THSD7A: variants seen among roughly 807,000 people sequenced by gnomAD.
THSD7A encodes the protein thrombospondin type-1 domain-containing protein 7A.
A neutral mutation model predicts 231.3 loss-of-function variants in THSD7A; 96 were observed. The ratio of observed to expected loss-of-function variants is 0.41; its 90% CI spans 0.35 to 0.49. The LOEUF (loss-of-function observed/expected upper bound fraction) is 0.49. THSD7A is among the 20% of genes least tolerant of loss of function. The probability of loss-of-function intolerance (pLI) is 0.05; values close to 1 mark genes in which losing one functional copy is unlikely to be tolerated. For missense variants in THSD7A, 2,290 were observed against 2,070.2 expected, an observed-to-expected ratio of 1.11 and a Z score of -2.06; for synonymous variants, 940 against 743.3, an observed-to-expected ratio of 1.26 and a Z score of -4.30.
At chr7:11,699,609 A>T (rs888997796) in intron 1 of THSD7A, among the ~76,000 whole-genome samples, 1 of 151,320 alleles carries the variant, frequency 6.6e-6, no homozygotes, top group Non-Finnish European at 1.5e-5. Context: ...GTTACCCTGA[A>T]AGTTAATTAT....
At position 11,595,771 on chromosome 7, in the gene THSD7A, C is replaced by T. The variant is rs1014022709; in HGVS notation, c.1023-2269G>A. On this transcript the variant is annotated intron_variant, in intron 2 of 27. Coordinates refer to ENST00000423059, the MANE Select transcript of THSD7A (RefSeq NM_015204.3). Reference sequence around the variant, plus strand: ...AACAGTGGAAACCAAAGTCACTCAACTACAAAACTTAAATACAATGAGAAT... The same window carrying T: ...AACAGTGGAAACCAAAGTCACTCAATTACAAAACTTAAATACAATGAGAAT... Among the ~76,000 whole-genome samples the T allele has an allele frequency of 2.0e-5, 3 of 152,360 alleles. 1 individual carries two copies. In the South Asian group the frequency reaches 6.2e-4, roughly 32 times the overall value.
intron 6 of THSD7A, among the ~76,000 whole-genome samples, chr7:11,510,492 T>C (rs1465727311): frequency 6.6e-6 from 1 of 152,048 alleles, no homozygotes; most frequent in Non-Finnish European, 1.5e-5. Flanking sequence ...TTTAGACCAA[T>C]ATCACTGAGG....
chr7:11,405,151 G>A (rs1333449120), intron 22 of THSD7A, among the ~76,000 whole-genome samples: 1 of 72,302 alleles, frequency 1.4e-5, no homozygotes, highest in Non-Finnish European at 2.8e-5. Context: ...CATCTCAAAT[G>A]ATTTTTTTTT....
chr7:11,740,077 T>C (rs922144169), intron 1 of THSD7A, among the ~76,000 whole-genome samples: 11 of 151,906 alleles, frequency 7.2e-5, no homozygotes, highest in Admixed American at 5.3e-4. Context: ...TGATCAAAGA[T>C]TCAACTTGGA....
chr7:11,428,941 A>G lies in THSD7A; in HGVS notation c.3243+6T>C. On this transcript the variant is annotated splice_donor_region_variant and intron_variant, in intron 14 of 27. Coordinates refer to ENST00000423059, the MANE Select transcript of THSD7A (RefSeq NM_015204.3). ...ATATCTTAACACTGTCAATGATAGA[A>G]AATACCTGGTTGACATGGTCCAGTT... is the stretch of plus-strand genomic sequence containing the variant. The G allele has an allele frequency of 2.5e-6, 4 of 1,600,840 alleles. No individual in the cohort carries two copies. In the South Asian group the frequency reaches 4.5e-5, roughly 18 times the overall value.
At chr7:11,436,853 GA>G in intron 13 of THSD7A, among the ~76,000 whole-genome samples, 1 of 152,036 alleles carries the variant, frequency 6.6e-6, no homozygotes, top group Non-Finnish European at 1.5e-5. Context: ...AAAGGGAGGG[GA>G]AAGTGTTATT....
chr7:11,414,410 C>T (rs554753799), intron 17 of THSD7A, among the ~76,000 whole-genome samples: 45 of 152,310 alleles, frequency 3.0e-4, no homozygotes, highest in African/African-American at 9.1e-4. Context: ...ATTCATGACT[C>T]CTCATATAGC....
At chr7:11,554,040 C>A (rs73056403) in intron 4 of THSD7A, among the ~76,000 whole-genome samples, 7,680 of 151,932 alleles carry the variant, frequency 0.051, 233 homozygotes, top group Non-Finnish European at 0.065. Context: ...TCTACATATA[C>A]TTTATCCAGT....
chr7:11,777,327 G>C (rs1445033681), intron 1 of THSD7A, among the ~76,000 whole-genome samples: 1 of 151,814 alleles, frequency 6.6e-6, no homozygotes, highest in Non-Finnish European at 1.5e-5. Flanking sequence ...GAAAATGCTA[G>C]AGCCAACAGA....
Position 11,590,056 on chromosome 7 carries a change from A to C in THSD7A, c.1453+404T>G, listed in dbSNP as rs1216951364. On this transcript the variant is annotated intron_variant, in intron 4 of 27. Coordinates refer to ENST00000423059, the MANE Select transcript of THSD7A (RefSeq NM_015204.3). This position sits in a 1 kb window ranked among gnomAD's most constrained non-coding sequence, Gnocchi z 4.4. ...TCATAATTAACTTATTTTTAACCAC[A>C]TTTTATCCAAATAAGATTTCTTTTG... is the stretch of plus-strand genomic sequence containing the variant. 1.3e-5 allele frequency among the ~76,000 whole-genome samples: 2 copies of C among 152,160 alleles called. No homozygotes were observed. The highest frequency in any genetic ancestry group is 1.3e-4 in the Admixed American group (2 of 15,270).
At chr7:11,782,164 G>T (rs1010943549) in intron 1 of THSD7A, among the ~76,000 whole-genome samples, 1 of 152,114 alleles carries the variant, frequency 6.6e-6, no homozygotes, top group African/African-American at 2.4e-5. Flanking sequence ...CAACAAGTAG[G>T]TATGTTCCCA....
At chr7:11,740,273 A>C (rs1430132192) in intron 1 of THSD7A, among the ~76,000 whole-genome samples, 1 of 151,944 alleles carries the variant, frequency 6.6e-6, no homozygotes, top group African/African-American at 2.4e-5. Flanking sequence ...ATGAGTGGTC[A>C]ATGATCCCAG....
chr7:11,817,730 C>A (rs1322410620), intron 1 of THSD7A, among the ~76,000 whole-genome samples: 1 of 152,166 alleles, frequency 6.6e-6, no homozygotes. Context: ...TTTAAATAAT[C>A]TGTAGAGGTA....
rs533767783 is a variant in THSD7A at position 11,373,896 on chromosome 7, G to T, written c.*1898C>A. 6.6e-6 allele frequency: 1 copy of T among 152,034 alleles called. No homozygotes were observed. The highest frequency in any genetic ancestry group is 2.4e-5 in the African/African-American group (1 of 41,416). 9.4% of individuals were successfully genotyped at this position (152,034 alleles called of 1,614,324 possible). On this transcript the variant is annotated 3_prime_UTR_variant, in exon 28 of 28. Coordinates refer to ENST00000423059, the MANE Select transcript of THSD7A (RefSeq NM_015204.3). The stretch of plus-strand genomic sequence containing the variant: ...TCACAAAGGTTGTTGCAATAATGTT[G>T]CCTGAAAATGGTATTGCTTTTTAAT...
rs868398746 is a variant in THSD7A, at chr7:11,376,639, C to A, written c.4820G>T (p.Trp1607Leu). 6.3e-7 allele frequency: 1 copy of A among 1,580,890 alleles called. No individual in the cohort carries two copies. The highest frequency in any genetic ancestry group is 2.3e-5 in the East Asian group (1 of 43,208). ...TGCCCCAGCTGCTACACCGTAAACC[C>A]AGGTCTTTAGTCTCCCATCTAAGAA... Reference protein sequence around the residue: ...PFGPDGRLKTWVYGVAAGAFV... With the variant: ...PFGPDGRLKTLVYGVAAGAFV... Residue 1607 changes from tryptophan (W) to leucine (L), a missense_variant, in exon 27 of 28, where the codon TGG becomes TTG. Trp to Leu is a moderately conservative substitution (Grantham distance 61). Transcript: ENST00000423059.
chr7:11,816,397 T>C (rs1050067411), intron 1 of THSD7A, among the ~76,000 whole-genome samples: 10 of 152,200 alleles, frequency 6.6e-5, no homozygotes, highest in Admixed American at 4.6e-4. Flanking sequence ...TTACCATTCC[T>C]GCCTCAATGA....
rs6149988 is a variant in THSD7A, at chr7:11,796,033, CATATATATATATATAT to C, written c.190+35708_190+35723del. 2.6e-3 allele frequency among the ~76,000 whole-genome samples: 275 copies of C among 107,490 alleles called. 1 individual carries two copies. Among genetic ancestry groups the C allele is most frequent in the African/African-American group, 6.2e-3 (185 of 29,948 alleles). 70.5% of individuals were successfully genotyped at this position (107,490 alleles called of 152,430 possible). ...GGTACTTCTTTGAAATTAAATTAGC[CATATATATATATATAT>C]ATATATATATATATATATATATATA... On this transcript the variant is annotated intron_variant, in intron 1 of 27. Coordinates refer to ENST00000423059, the MANE Select transcript of THSD7A (RefSeq NM_015204.3).
chr7:11,437,384 T>C (rs1055156457), intron 13 of THSD7A, among the ~76,000 whole-genome samples: 2 of 152,104 alleles, frequency 1.3e-5, no homozygotes, highest in African/African-American at 4.8e-5. Flanking sequence ...AATTGCTTTC[T>C]CTTTGTGCCC....
intron 23 of THSD7A, among the ~76,000 whole-genome samples, chr7:11,397,180 G>A (rs1371615576): frequency 1.3e-5 from 2 of 152,150 alleles, no homozygotes; most frequent in South Asian, 2.1e-4. Context: ...CAGGGCTACA[G>A]TAACCAAAAC....
Sources: allele counts gnomAD v4.1 joint callset (sites outside exome capture counted in the v4.1 genomes callset), GRCh38; gene constraint gnomAD v4.1.1; non-coding constraint Gnocchi (gnomAD v3.1); transcripts MANE v1.5; gene names NCBI Gene and HGNC (gene_info 2026-07-23, HGNC 2026-07-21).